The following PKN2 variants were observed in gnomAD, a reference collection of about 807,000 sequenced individuals.
The protein encoded by PKN2 is protein kinase N2.
Under a neutral mutation model 119.1 loss-of-function variants are expected in PKN2, and 38 were observed. That is an observed-to-expected ratio of 0.32 (90% CI 0.25 to 0.42). The LOEUF is 0.42. Among genes scored for constraint, PKN2 ranks in the 10% least tolerant of loss-of-function variants. PKN2 has a pLI of 1.00. For synonymous variants in PKN2, 390 were observed against 384.9 expected, an observed-to-expected ratio of 1.01 and a Z score of -0.15; for missense variants, 850 against 1,165.1, an observed-to-expected ratio of 0.73 and a Z score of 3.94.
chr1:88,728,016 C>CTTTTTTTTTTTTTTTT (rs34460979), intron 1 of PKN2, among the ~76,000 whole-genome samples: 1 of 130,786 alleles, frequency 7.6e-6, no homozygotes, highest in Non-Finnish European at 1.6e-5. Flanking sequence ...TTTCTTGGGG[C>CTTTTTTTTTTTTTTTT]TTTTTTTTTT....
chr1:88,803,181 G>A (rs61766103), intron 8 of PKN2, among the ~76,000 whole-genome samples: 1 of 152,092 alleles, frequency 6.6e-6, no homozygotes, highest in African/African-American at 2.4e-5. Flanking sequence ...CATTCTCACT[G>A]CCATAGACGT....
intron 3 of PKN2, among the ~76,000 whole-genome samples, chr1:88,769,889 A>G (rs1669812988): frequency 6.6e-6 from 1 of 152,224 alleles, no homozygotes; most frequent in African/African-American, 2.4e-5. Flanking sequence ...GGTCTAATAC[A>G]TAGCGTGAAC....
At chr1:88,742,962 A>G (rs1668633871) in intron 2 of PKN2, among the ~76,000 whole-genome samples, 3 of 152,138 alleles carry the variant, frequency 2.0e-5, no homozygotes, top group Admixed American at 6.5e-5. Context: ...AGGCCAAGGC[A>G]GGCGGATCAC....
At chr1:88,784,244 C>T (rs1236800677) in intron 6 of PKN2, among the ~76,000 whole-genome samples, 1 of 151,320 alleles carries the variant, frequency 6.6e-6, no homozygotes, top group African/African-American at 2.4e-5. Flanking sequence ...GTGCCCCAGC[C>T]TCCCGGATAG....
intron 1 of PKN2, among the ~76,000 whole-genome samples, chr1:88,690,041 C>G (rs908918867): frequency 6.6e-6 from 1 of 152,196 alleles, no homozygotes; most frequent in Non-Finnish European, 1.5e-5. Flanking sequence ...TGTGTTAAAA[C>G]TAGTGTTACT....
In PKN2 at chr1:88,699,895, G is replaced by A. The variant is rs146379902; in HGVS notation, c.48+15267G>A. Among the ~76,000 whole-genome samples the A allele has an allele frequency of 8.4e-3, 1,284 of 151,980 alleles. 19 individuals carry two copies. The highest frequency in any genetic ancestry group is 0.03 in the African/African-American group (1,228 of 41,440). Reference sequence around the variant, plus strand: ...CCTCCTGGGTTCAAGTGATTCTCCTGCCTCAGCTTCCCGAGTAGCTAGGAT... The same window carrying A: ...CCTCCTGGGTTCAAGTGATTCTCCTACCTCAGCTTCCCGAGTAGCTAGGAT... On this transcript the variant is annotated intron_variant, in intron 1 of 21. Transcript: ENST00000370521.
In PKN2 at chr1:88,804,394, C is replaced by T. The variant is rs1671452931; in HGVS notation, c.1285C>T (p.Arg429Cys). Residue 429 changes from arginine to cysteine, a missense_variant, in exon 9 of 22, where the codon CGT becomes TGT. By Grantham distance (180) the Arg-to-Cys change is radical (BLOSUM62 -3). This residue lies in a region of PKN2 where 350 missense variants were observed against 511.1 expected (regional missense o/e 0.68). Coordinates refer to ENST00000370521, the MANE Select transcript of PKN2 (RefSeq NM_006256.4). ...QKFTLELDRS[R>C]ELEISVYWRD... ...TTATTTTTTTTAATTATCCTAGTCA[C>T]GTGAACTGGAAATTTCAGTTTATTG... is the stretch of plus-strand genomic sequence containing the variant. 1.2e-6 allele frequency: 2 copies of T among 1,607,096 alleles called. No homozygotes were observed. The highest frequency in any genetic ancestry group is 1.3e-5 in the African/African-American group (1 of 74,594).
rs377094068 is a variant in PKN2 at position 88,833,355 on chromosome 1, A to T, written c.2862A>T (p.Ala954=). ...TTGATGATGAATTTACCTCAGAAGCACCTATTCTGACTCCACCTCGAGAAC... is the reference window on the plus strand; with the variant it reads ...TTGATGATGAATTTACCTCAGAAGCTCCTATTCTGACTCCACCTCGAGAAC... ...SNFDDEFTSE[A]PILTPPREPR... The change falls in exon 22 of 22, where the codon GCA becomes GCT. Residue 954 remains alanine (A), a synonymous_variant. Transcript: ENST00000370521. 1.2e-6 allele frequency: 2 copies of T among 1,612,788 alleles called. No individual in the cohort carries two copies. The highest frequency in any genetic ancestry group is 4.5e-5 in the East Asian group (2 of 44,862).
chr1:88,772,480 GTATAA>G (rs1669936197), intron 6 of PKN2, among the ~76,000 whole-genome samples: 1 of 152,150 alleles, frequency 6.6e-6, no homozygotes. Context: ...TAACCAGTAA[GTATAA>G]TATAATATAA....
Position 88,835,487 on chromosome 1 carries a change from TAAAA to T in PKN2, c.*2043_*2046del, listed in dbSNP as rs1052306223. 3.3e-5 allele frequency: 5 copies of T among 152,300 alleles called. No homozygotes were observed. The highest frequency in any genetic ancestry group is 1.2e-4 in the African/African-American group (5 of 41,518). 9.4% of individuals were successfully genotyped at this position (152,300 alleles called of 1,614,324 possible). Reference sequence around the variant, plus strand: ...TTTTTTTTTAATTGAAGTCAATCACTAAAAAAATTAGAAGGCAGGGTCTATTTAC... The same window carrying T: ...TTTTTTTTTAATTGAAGTCAATCACTAAATTAGAAGGCAGGGTCTATTTAC... On this transcript the variant is annotated 3_prime_UTR_variant, in exon 22 of 22. Coordinates refer to ENST00000370521, the MANE Select transcript of PKN2 (RefSeq NM_006256.4).
intron 3 of PKN2, among the ~76,000 whole-genome samples, chr1:88,766,044 C>G (rs887895242): frequency 5.3e-5 from 8 of 152,182 alleles, no homozygotes; most frequent in African/African-American, 1.9e-4. Flanking sequence ...AACTCCTGAC[C>G]TTAGATGATC....
At chr1:88,799,069 G>C (rs1042647185) in intron 8 of PKN2, among the ~76,000 whole-genome samples, 2 of 152,214 alleles carry the variant, frequency 1.3e-5, no homozygotes, top group African/African-American at 4.8e-5. Context: ...AGGCAGAAAA[G>C]TATACAATAG....
intron 6 of PKN2, among the ~76,000 whole-genome samples, chr1:88,782,229 C>G (rs1351132623): frequency 6.6e-6 from 1 of 151,966 alleles, no homozygotes; most frequent in African/African-American, 2.4e-5. Context: ...TTTCTGGCTA[C>G]TTTTAGTGTT....
intron 2 of PKN2, among the ~76,000 whole-genome samples, chr1:88,745,934 A>G (rs1668749689): frequency 6.6e-6 from 1 of 152,182 alleles, no homozygotes; most frequent in Non-Finnish European, 1.5e-5. Context: ...ACGCAATTCA[A>G]ATCAATTGAT....
At chr1:88,799,557 C>G (rs1038475382) in intron 8 of PKN2, among the ~76,000 whole-genome samples, 3 of 152,164 alleles carry the variant, frequency 2.0e-5, no homozygotes, top group Admixed American at 1.3e-4. Flanking sequence ...GTTAAGAGAT[C>G]CAAGAGCTAG....
intron 1 of PKN2, among the ~76,000 whole-genome samples, chr1:88,701,936 G>A (rs1278645395): frequency 1.3e-5 from 2 of 152,064 alleles, no homozygotes; most frequent in Non-Finnish European, 2.9e-5. Flanking sequence ...GACTTTAGAG[G>A]AGGGAGTGGT....
chr1:88,801,212 C>A (rs1671294811), intron 8 of PKN2, among the ~76,000 whole-genome samples: 1 of 152,062 alleles, frequency 6.6e-6, no homozygotes, highest in Admixed American at 6.6e-5. Context: ...TGGCAAAACC[C>A]CATCTCTATT....
In PKN2 at chr1:88,771,927, C is replaced by T. The variant is rs777394510; in HGVS notation, c.985+48C>T. 35 of 1,275,618 alleles carry T rather than the reference C, an allele frequency of 2.7e-5. No individual in the cohort carries two copies. In the African/African-American group the frequency reaches 4.9e-4, roughly 18 times the overall value. The allele number at this position is 1,275,618 out of a possible 1,614,324, so 79.0% of individuals were successfully genotyped here. A position where few individuals can be genotyped will look rare whatever the true frequency, so the allele number is the denominator to read the frequency against. ...TTTTTGTGTGTATTTTTGTCTATAA[C>T]TGGTTCTGATTTAATAATTGAAAGA... On this transcript the variant is annotated intron_variant, in intron 6 of 21. Transcript: ENST00000370521.
chr1:88,711,120 A>G (rs1388307923), intron 1 of PKN2, among the ~76,000 whole-genome samples: 1 of 152,182 alleles, frequency 6.6e-6, no homozygotes, highest in Non-Finnish European at 1.5e-5. Context: ...AGAGGGGAAC[A>G]ACAGACACTG....
Sources: gnomAD v4.1 joint callset for allele counts (sites outside exome capture counted in the v4.1 genomes callset) on GRCh38, gnomAD v4.1.1 for gene constraint, gnomAD v4.1.1 regional missense constraint, MANE v1.5 for transcripts, NCBI Gene and HGNC (gene_info 2026-07-23, HGNC 2026-07-21) for gene names.